The following MEGF10 variants were observed in gnomAD, a reference collection of about 807,000 sequenced individuals.
MEGF10 encodes multiple epidermal growth factor-like domains protein 10.
In MEGF10, 86 loss-of-function variants were observed where a neutral mutation model predicts 147.5. The observed-to-expected ratio is 0.58, with a 90% CI of 0.49 to 0.70. The LOEUF (loss-of-function observed/expected upper bound fraction) is 0.70, where lower values mean the gene tolerates loss of function less well. Among genes scored for constraint, MEGF10 ranks in the 30% least tolerant of loss-of-function variants. The pLI is 0.00. For synonymous variants in MEGF10, 478 were observed against 525.5 expected (o/e 0.91, Z 1.24); for missense variants, 1,329 against 1,487.3 (o/e 0.89, Z 1.75).
Position 127,299,975 on chromosome 5 carries a change from G to C in MEGF10, c.-19+8919G>C, listed in dbSNP as rs1345662. The C allele has an allele frequency of 0.53, 80,990 of 151,934 alleles. 22,334 individuals are homozygous for C. Among genetic ancestry groups the C allele is most frequent in the Middle Eastern group, 0.63 (184 of 294 alleles). The allele number at this position is 151,934 out of a possible 1,614,324, so 9.4% of individuals were successfully genotyped here. On this transcript the variant is annotated intron_variant, in intron 1 of 24. Coordinates refer to ENST00000503335, the MANE Select transcript of MEGF10 (RefSeq NM_001256545.2). ...CTTAGAGCTCCTAGTAATTATGTCT[G>C]TCATTGTACCTTGATTATAGATTAT...
the MEGF10 span, among the ~76,000 whole-genome samples, chr5:127,253,308 T>C: frequency 1.3e-5 from 2 of 152,036 alleles, no homozygotes; most frequent in East Asian, 3.9e-4. Context: ...AAGTCCTAGA[T>C]ATGAAAGAAA....
chr5:127,233,964 A>T, the MEGF10 span, among the ~76,000 whole-genome samples: 1,005 of 152,332 alleles, frequency 6.6e-3, 12 homozygotes, highest in African/African-American at 0.023. Flanking sequence ...ACCATTTTCA[A>T]ATAGGCCTTC....
intron 1 of MEGF10, among the ~76,000 whole-genome samples, chr5:127,296,726 T>A (rs1759518252): frequency 6.6e-6 from 1 of 152,178 alleles, no homozygotes; most frequent in South Asian, 2.1e-4. Flanking sequence ...AATTGAAAAC[T>A]AAAACACACA....
intron 1 of MEGF10, among the ~76,000 whole-genome samples, chr5:127,315,122 C>T (rs1732794821): frequency 6.6e-6 from 1 of 152,096 alleles, no homozygotes; most frequent in African/African-American, 2.4e-5. Context: ...GATTGCAAAG[C>T]TTGTGGCCCT....
chr5:127,413,230 A>T (rs1268872110), intron 9 of MEGF10, among the ~76,000 whole-genome samples: 1 of 152,222 alleles, frequency 6.6e-6, no homozygotes, highest in Non-Finnish European at 1.5e-5. Context: ...AAAGATATTC[A>T]CTGTGACCTG....
chr5:127,429,942 A>C (rs1380120718), intron 13 of MEGF10, among the ~76,000 whole-genome samples: 1 of 152,062 alleles, frequency 6.6e-6, no homozygotes, highest in Non-Finnish European at 1.5e-5. Flanking sequence ...GGCTCAACTC[A>C]ACTTGGCCAC....
At chr5:127,309,238 C>T (rs1009681335) in intron 1 of MEGF10, among the ~76,000 whole-genome samples, 4 of 152,236 alleles carry the variant, frequency 2.6e-5, no homozygotes, top group East Asian at 1.9e-4. Context: ...CTGTTACTTA[C>T]GCTTTAATAC....
the MEGF10 span, among the ~76,000 whole-genome samples, chr5:127,252,829 C>G: frequency 2.6e-5 from 4 of 151,822 alleles, no homozygotes; most frequent in Non-Finnish European, 5.9e-5. Flanking sequence ...GACCAGGAGG[C>G]AGGTTGTTTT....
the MEGF10 span, among the ~76,000 whole-genome samples, chr5:127,259,761 C>G: frequency 6.6e-6 from 1 of 152,160 alleles, no homozygotes; most frequent in Middle Eastern, 3.4e-3. Context: ...GAGAGACTGC[C>G]GTGTCATGGT....
chr5:127,341,299 A>G (rs574701154), intron 4 of MEGF10, among the ~76,000 whole-genome samples: 13 of 152,262 alleles, frequency 8.5e-5, no homozygotes, highest in Admixed American at 7.9e-4. Flanking sequence ...TAGAAGAGAG[A>G]TCATTAAAGA....
intron 4 of MEGF10, among the ~76,000 whole-genome samples, chr5:127,353,742 G>C (rs1762176954): frequency 7.9e-6 from 1 of 125,856 alleles, no homozygotes; most frequent in African/African-American, 2.5e-5. Context: ...ACTTAAGTCT[G>C]CTAACTCTGT....
chr5:127,440,608 T>C, intron 17 of MEGF10, 131 bp from the exon 18 acceptor site: 2 of 898,898 alleles, frequency 2.2e-6, no homozygotes, highest in East Asian at 5.2e-5. Flanking sequence ...AGCTCAGATA[T>C]GTACTATTCA....
intron 8 of MEGF10, among the ~76,000 whole-genome samples, chr5:127,403,997 A>G (rs903156645): frequency 1.3e-5 from 2 of 152,068 alleles, no homozygotes; most frequent in Non-Finnish European, 2.9e-5. Context: ...CTCAATTTTT[A>G]GTTTTTTGAG....
chr5:127,435,554 T>C, intron 16 of MEGF10, 65 bp downstream of exon 16: 2 of 1,474,244 alleles, frequency 1.4e-6, no homozygotes, highest in East Asian at 4.9e-5. Flanking sequence ...TTCTTTAGGA[T>C]TGAAGTATGA....
At chr5:127,334,803 C>T (rs1761400125) in intron 2 of MEGF10, among the ~76,000 whole-genome samples, 1 of 152,100 alleles carries the variant, frequency 6.6e-6, no homozygotes, top group African/African-American at 2.4e-5. Context: ...CCTTCAATTA[C>T]TAACACAGAA....
At chr5:127,308,791 C>T (rs1760129833) in intron 1 of MEGF10, among the ~76,000 whole-genome samples, 2 of 151,678 alleles carry the variant, frequency 1.3e-5, no homozygotes, top group South Asian at 2.1e-4. Flanking sequence ...TGCAGCACAC[C>T]AACATGGCAC....
intron 5 of MEGF10, among the ~76,000 whole-genome samples, chr5:127,377,763 G>A (rs1763089593): frequency 6.6e-6 from 1 of 152,210 alleles, no homozygotes; most frequent in Non-Finnish European, 1.5e-5. Context: ...GGCAACAATG[G>A]TGGGATCGAT....
At chr5:127,283,991 T>C in the MEGF10 span, among the ~76,000 whole-genome samples, 1,426 of 152,302 alleles carry the variant, frequency 9.4e-3, 21 homozygotes, top group African/African-American at 0.032. Context: ...TTGCCTTAAA[T>C]CTGTGAAGAC....
chr5:127,345,469 A>C (rs558051462), intron 4 of MEGF10, among the ~76,000 whole-genome samples: 1 of 152,312 alleles, frequency 6.6e-6, no homozygotes, highest in East Asian at 1.9e-4. Context: ...TGTGGGCAAC[A>C]GTGTGGTTAG....
Sources: allele counts gnomAD v4.1 joint callset (sites outside exome capture counted in the v4.1 genomes callset), GRCh38; gene constraint gnomAD v4.1.1; transcripts MANE v1.5; gene names NCBI Gene and HGNC (gene_info 2026-07-23, HGNC 2026-07-21).